Variants in AGAP1 observed in about 807,000 individuals in gnomAD.
AGAP1 encodes ArfGAP with GTPase domain, ankyrin repeat and PH domain 1.
AGAP1 carries 29 observed loss-of-function variants against 105.3 expected under a neutral mutation model. The observed-to-expected ratio is 0.28, with a 90% CI of 0.21 to 0.38. AGAP1 has a LOEUF of 0.38. AGAP1 is among the 10% of genes least tolerant of loss of function. AGAP1 has a pLI of 1.00. For missense variants in AGAP1, 998 were observed against 1,165.1 expected (o/e 0.86, Z 2.09); for synonymous variants, 509 against 485.9 (o/e 1.05, Z -0.63).
chr2:236,068,575 C>T (rs1219122417), intron 16 of AGAP1, among the ~76,000 whole-genome samples: 8 of 151,714 alleles, frequency 5.3e-5, no homozygotes, highest in Admixed American at 2.6e-4. Context: ...CCGAGGCGGG[C>T]GGATCACGAG....
At chr2:236,106,067 A>G (rs1396227960) in intron 16 of AGAP1, among the ~76,000 whole-genome samples, 1 of 152,216 alleles carries the variant, frequency 6.6e-6, no homozygotes, top group Admixed American at 6.5e-5. Flanking sequence ...TGCCCCTCCC[A>G]GGGACACCTT....
chr2:236,034,625 A>G (rs937112326), intron 13 of AGAP1, among the ~76,000 whole-genome samples: 3 of 152,118 alleles, frequency 2.0e-5, no homozygotes, highest in Admixed American at 6.5e-5. Context: ...GGGCCAGCTG[A>G]GGGCTTCCTC....
rs908338911 is a variant in AGAP1, at chr2:236,038,960, C to A, written c.1801-1791C>A. 3.9e-5 allele frequency among the ~76,000 whole-genome samples: 6 copies of A among 152,122 alleles called. No homozygotes were observed. The highest frequency in any genetic ancestry group is 1.4e-4 in the African/African-American group (6 of 41,420). ...TCAATAACGCATGATGCTAATTAGA[C>A]AGTAGTGATTAATACATTATAATTT... On this transcript the variant is annotated intron_variant, in intron 14 of 17. Transcript: ENST00000304032. The surrounding 1 kb of genome is among the most constrained non-coding windows in gnomAD (Gnocchi z 4.5).
In AGAP1 at chr2:235,642,648, A is replaced by G. The variant is rs1201033955; in HGVS notation, c.164-66531A>G. On this transcript the variant is annotated intron_variant, in intron 1 of 17. Coordinates refer to ENST00000304032, the MANE Select transcript of AGAP1 (RefSeq NM_001037131.3). The surrounding 1 kb of genome is among the most constrained non-coding windows in gnomAD (Gnocchi z 4.1). ...CTCCGCTCTCCACACCAGCTTGGGG[A>G]TGAATCAGCGGGTGCTCTGACCACT... is the stretch of plus-strand genomic sequence containing the variant. Among the ~76,000 whole-genome samples, 1 of 152,174 alleles carries G rather than the reference A, an allele frequency of 6.6e-6. No individual in the cohort carries two copies. Among genetic ancestry groups the G allele is most frequent in the African/African-American group, 2.4e-5 (1 of 41,438 alleles).
chr2:235,592,696 T>C (rs12472486), intron 1 of AGAP1, among the ~76,000 whole-genome samples: 151,665 of 152,238 alleles, frequency 1, 75,548 homozygotes, highest in Middle Eastern at 1. Flanking sequence ...ATGTCGCACA[T>C]GGAGATATGG....
At chr2:235,667,423 TCAA>T (rs1210259555) in intron 1 of AGAP1, among the ~76,000 whole-genome samples, 1 of 151,952 alleles carries the variant, frequency 6.6e-6, no homozygotes, top group Non-Finnish European at 1.5e-5. Context: ...GTCTTTGTTA[TCAA>T]CAAAGCAGAA....
chr2:235,533,296 A>C (rs1353405547), intron 1 of AGAP1, among the ~76,000 whole-genome samples: 5 of 152,226 alleles, frequency 3.3e-5, no homozygotes, highest in African/African-American at 1.2e-4. Flanking sequence ...AAATTAATGA[A>C]GATACATCCA....
In AGAP1 at chr2:235,665,278, A is replaced by C. The variant is rs1004767145; in HGVS notation, c.164-43901A>C. Among the ~76,000 whole-genome samples the C allele has an allele frequency of 2.0e-5, 3 of 152,228 alleles. No individual in the cohort carries two copies. Among genetic ancestry groups the C allele is most frequent in the African/African-American group, 7.2e-5 (3 of 41,470 alleles). On this transcript the variant is annotated intron_variant, in intron 1 of 17. Coordinates refer to ENST00000304032, the MANE Select transcript of AGAP1 (RefSeq NM_001037131.3). The surrounding 1 kb of genome is among the most constrained non-coding windows in gnomAD (Gnocchi z 5.3). ...CTATCGTTGGTCCTTAAGGAAAAAC[A>C]CAGGAAGGATGCAGGTGCTCAGAGG...
chr2:235,738,638 A>G (rs1952393391), intron 3 of AGAP1, among the ~76,000 whole-genome samples: 1 of 150,968 alleles, frequency 6.6e-6, no homozygotes, highest in African/African-American at 2.4e-5. Context: ...GCTCCCTGCA[A>G]CCTCCACCTC....
rs529348426 is a variant in AGAP1, at chr2:235,655,364, A to T, written c.164-53815A>T. Among the ~76,000 whole-genome samples the T allele has an allele frequency of 6.6e-6, 1 of 152,296 alleles. No homozygotes were observed. The highest frequency in any genetic ancestry group is 2.1e-4 in the South Asian group (1 of 4,826). On this transcript the variant is annotated intron_variant, in intron 1 of 17. Transcript: ENST00000304032. This position sits in a 1 kb window ranked among gnomAD's most constrained non-coding sequence, Gnocchi z 4.3. The stretch of plus-strand genomic sequence containing the variant: ...AAAAGACAATAGATGGAAAGCTGGA[A>T]AGTGATGTGGCCTGAATTCCTTTCT...
rs1052203370 is a variant in AGAP1, at chr2:235,663,856, G to T, written c.164-45323G>T. The stretch of plus-strand genomic sequence containing the variant: ...AGAGTTCCCTCCCGTGAATCCTGTA[G>T]AGGAAAATGTTACCAAATAGGCCTG... On this transcript the variant is annotated intron_variant, in intron 1 of 17. Transcript: ENST00000304032. The surrounding 1 kb of genome is among the most constrained non-coding windows in gnomAD (Gnocchi z 5.4). Among the ~76,000 whole-genome samples the T allele has an allele frequency of 6.6e-6, 1 of 152,178 alleles. No individual in the cohort carries two copies. Among genetic ancestry groups the T allele is most frequent in the African/African-American group, 2.4e-5 (1 of 41,448 alleles).
intron 1 of AGAP1, chr2:235,671,169 C>G (rs1233965970): frequency 3.5e-6 from 4 of 1,148,284 alleles, no homozygotes; most frequent in South Asian, 4.2e-5. Context: ...CACGTGGCCT[C>G]GAGGGATGCG....
intron 9 of AGAP1, among the ~76,000 whole-genome samples, chr2:235,839,270 A>G (rs575670075): frequency 6.6e-6 from 1 of 152,326 alleles, no homozygotes; most frequent in Admixed American, 6.5e-5. Context: ...AAGCTGTTGG[A>G]CCAGTGATTT....
chr2:236,026,983 C>T (rs1267928060), intron 13 of AGAP1, among the ~76,000 whole-genome samples: 1 of 152,154 alleles, frequency 6.6e-6, no homozygotes, highest in East Asian at 1.9e-4. Context: ...AAAATGATTA[C>T]AAGCAAAAAT....
At chr2:235,903,985 C>T (rs181958949) in intron 10 of AGAP1, among the ~76,000 whole-genome samples, 1 of 152,114 alleles carries the variant, frequency 6.6e-6, no homozygotes, top group East Asian at 1.9e-4. Flanking sequence ...GCGGGCGCCA[C>T]GTTAAGCTGT....
intron 9 of AGAP1, among the ~76,000 whole-genome samples, chr2:235,808,367 A>G (rs1270664147): frequency 6.6e-6 from 1 of 152,226 alleles, no homozygotes; most frequent in African/African-American, 2.4e-5. Context: ...GCCCTTAAAA[A>G]GGGGAGAGTC....
intron 1 of AGAP1, among the ~76,000 whole-genome samples, chr2:235,684,340 G>A (rs1949264197): frequency 6.6e-6 from 1 of 152,132 alleles, no homozygotes; most frequent in Non-Finnish European, 1.5e-5. Flanking sequence ...CACCGCACCT[G>A]GCCACAGCCT....
chr2:235,506,188 C>G (rs947995638), intron 1 of AGAP1, among the ~76,000 whole-genome samples: 1 of 152,158 alleles, frequency 6.6e-6, no homozygotes, highest in Admixed American at 6.5e-5. Context: ...GCCTTGGCCT[C>G]CCAAAGTGCT....
At chr2:235,727,754 G>A (rs775967383) in intron 3 of AGAP1, among the ~76,000 whole-genome samples, 14 of 152,150 alleles carry the variant, frequency 9.2e-5, no homozygotes, top group Admixed American at 2.0e-4. Flanking sequence ...AGTCTCTCAG[G>A]AGGTACCCAT....
Sources: gnomAD v4.1 joint callset for allele counts (sites outside exome capture counted in the v4.1 genomes callset) on GRCh38, gnomAD v4.1.1 for gene constraint, Gnocchi (gnomAD v3.1) non-coding constraint, MANE v1.5 for transcripts, NCBI Gene and HGNC (gene_info 2026-07-23, HGNC 2026-07-21) for gene names.